RASGRF2: variants seen among roughly 807,000 people sequenced by gnomAD.
The protein encoded by RASGRF2 is ras-specific guanine nucleotide-releasing factor 2.
In RASGRF2, 76 loss-of-function variants were observed where a neutral mutation model predicts 151.0. That is an observed-to-expected ratio of 0.50 (90% CI 0.42 to 0.61). RASGRF2 has a LOEUF of 0.61. RASGRF2 is among the 20% of genes least tolerant of loss of function. The pLI is 0.00. For missense variants in RASGRF2, 1,148 were observed against 1,564.6 expected (o/e 0.73, Z 4.49); for synonymous variants, 504 against 566.5 (o/e 0.89, Z 1.57).
chr5:81,165,650 G>A (rs1343011716), intron 17 of RASGRF2, among the ~76,000 whole-genome samples: 1 of 152,152 alleles, frequency 6.6e-6, no homozygotes, highest in African/African-American at 2.4e-5. Flanking sequence ...ACCTTGCCTG[G>A]TGATGCTGCT....
intron 7 of RASGRF2, among the ~76,000 whole-genome samples, chr5:81,083,539 T>C (rs1752145918): frequency 6.6e-6 from 1 of 152,298 alleles, no homozygotes. Context: ...ATGGAGAAAT[T>C]GTAGAATTTG....
intron 5 of RASGRF2, among the ~76,000 whole-genome samples, chr5:81,075,160 T>C (rs1478903156): frequency 6.6e-6 from 1 of 152,204 alleles, no homozygotes; most frequent in Non-Finnish European, 1.5e-5. Context: ...AAGAGATGAT[T>C]ATAATGGAGG....
chr5:81,068,318 G>A, intron 3 of RASGRF2, 139 bp downstream of exon 3: 1 of 877,876 alleles, frequency 1.1e-6, no homozygotes, highest in East Asian at 2.6e-5. Context: ...GGCTGGGCCT[G>A]ACCTAGACAT....
At chr5:81,077,578 C>T (rs1021659064) in intron 5 of RASGRF2, among the ~76,000 whole-genome samples, 8 of 152,296 alleles carry the variant, frequency 5.3e-5, no homozygotes, top group Non-Finnish European at 8.8e-5. Flanking sequence ...GAGATTTCCC[C>T]ACCTTGCTGG....
At chr5:81,140,372 A>G (rs1753855180) in intron 17 of RASGRF2, among the ~76,000 whole-genome samples, 1 of 152,108 alleles carries the variant, frequency 6.6e-6, no homozygotes, top group African/African-American at 2.4e-5. Flanking sequence ...ATTTCACTAA[A>G]GACCAGTACT....
At chr5:81,219,607 C>T (rs1290427044) in intron 25 of RASGRF2, 103 bp from the exon 26 acceptor site, 1 of 906,706 alleles carries the variant, frequency 1.1e-6, no homozygotes, top group Non-Finnish European at 1.8e-6. Flanking sequence ...GAGGAAGGGA[C>T]TGACCCTTCT....
chr5:81,111,783 T>G (rs1753001884), intron 13 of RASGRF2, among the ~76,000 whole-genome samples: 1 of 152,064 alleles, frequency 6.6e-6, no homozygotes, highest in Non-Finnish European at 1.5e-5. Flanking sequence ...GCAAAATACC[T>G]AACCCTATAT....
chr5:81,118,302 C>T (rs556155456), intron 15 of RASGRF2, among the ~76,000 whole-genome samples: 2 of 152,322 alleles, frequency 1.3e-5, no homozygotes, highest in African/African-American at 4.8e-5. Context: ...GAATTAGCAC[C>T]ACATGGATGC....
At chr5:81,043,005 G>A (rs1442295810) in intron 2 of RASGRF2, 22 bp downstream of exon 2, 1 of 1,562,546 alleles carries the variant, frequency 6.4e-7, no homozygotes, top group Admixed American at 1.7e-5. Flanking sequence ...GTCTTCCTGT[G>A]TAGTACTTGA....
At chr5:81,146,914 G>T (rs1437962816) in intron 17 of RASGRF2, among the ~76,000 whole-genome samples, 1 of 152,092 alleles carries the variant, frequency 6.6e-6, no homozygotes, top group Non-Finnish European at 1.5e-5. Context: ...GGTTATATAG[G>T]TCTTTCTGTG....
chr5:80,979,189 T>C (rs2112234555), intron 1 of RASGRF2, among the ~76,000 whole-genome samples: 1 of 152,336 alleles, frequency 6.6e-6, no homozygotes, highest in South Asian at 2.1e-4. Context: ...AGAACTATTT[T>C]ATTTAATAAA....
chr5:81,035,252 C>T (rs1171629866), intron 1 of RASGRF2, among the ~76,000 whole-genome samples: 1 of 152,014 alleles, frequency 6.6e-6, no homozygotes, highest in African/African-American at 2.4e-5. Context: ...GAAAATGTGG[C>T]ACATATATAC....
At chr5:81,168,701 T>C (rs1754573514) in intron 17 of RASGRF2, among the ~76,000 whole-genome samples, 1 of 152,204 alleles carries the variant, frequency 6.6e-6, no homozygotes, top group African/African-American at 2.4e-5. Flanking sequence ...TTGGCCATAC[T>C]TAATGTCTCC....
At chr5:81,190,561 C>A (rs1161799868) in intron 18 of RASGRF2, among the ~76,000 whole-genome samples, 1 of 152,142 alleles carries the variant, frequency 6.6e-6, no homozygotes. Context: ...ATGTAAGAAA[C>A]TATTATCTGA....
intron 1 of RASGRF2, among the ~76,000 whole-genome samples, chr5:80,992,774 A>T (rs1388714864): frequency 6.6e-6 from 1 of 152,226 alleles, no homozygotes; most frequent in Non-Finnish European, 1.5e-5. Flanking sequence ...ACCTACAAAG[A>T]TTAAAAAATA....
chr5:81,208,796 C>T (rs1755569652), intron 22 of RASGRF2, among the ~76,000 whole-genome samples: 1 of 152,070 alleles, frequency 6.6e-6, no homozygotes, highest in African/African-American at 2.4e-5. Context: ...GGCAATCTGC[C>T]TGCCTCAGCC....
chr5:81,082,651 T>G (rs1218397044), intron 7 of RASGRF2, among the ~76,000 whole-genome samples: 1 of 152,156 alleles, frequency 6.6e-6, no homozygotes, highest in African/African-American at 2.4e-5. Context: ...TATGTGGTGT[T>G]TCAAGGAGCT....
At chr5:81,121,038 C>T (rs1284500018) in intron 15 of RASGRF2, among the ~76,000 whole-genome samples, 1 of 151,654 alleles carries the variant, frequency 6.6e-6, no homozygotes, top group African/African-American at 2.4e-5. Context: ...CAATACTGGT[C>T]GTGAATAGTT....
chr5:81,031,346 C>T (rs1291278387), intron 1 of RASGRF2, among the ~76,000 whole-genome samples: 1 of 152,182 alleles, frequency 6.6e-6, no homozygotes, highest in Non-Finnish European at 1.5e-5. Flanking sequence ...ACAGAATATA[C>T]ATTCTTCTCA....
Sources: gnomAD v4.1 joint callset for allele counts (sites outside exome capture counted in the v4.1 genomes callset) on GRCh38, gnomAD v4.1.1 for gene constraint, MANE v1.5 for transcripts, NCBI Gene and HGNC (gene_info 2026-07-23, HGNC 2026-07-21) for gene names.